CHCHD6: variants seen among roughly 807,000 people sequenced by gnomAD.
The protein encoded by CHCHD6 is MICOS complex subunit MIC25.
In CHCHD6, 28 loss-of-function variants were observed where a neutral mutation model predicts 32.3. The ratio of observed to expected loss-of-function variants is 0.87; its 90% confidence interval spans 0.64 to 1.19. The LOEUF (loss-of-function observed/expected upper bound fraction) is 1.19. CHCHD6 is among the 50% of genes most tolerant of loss of function. The pLI, the probability that CHCHD6 is intolerant of heterozygous loss-of-function variation, is 0.00. For synonymous variants in CHCHD6, 122 were observed against 117.5 expected (o/e 1.04, Z -0.25); for missense variants, 333 against 307.0 (o/e 1.08, Z -0.63).
In CHCHD6 at chr3:126,880,631, C is replaced by T. The variant is rs374807126; in HGVS notation, c.495+27901C>T. ...TGAATAAGGATCTGAGGGAGACCCACTCACACTATCTGGGGGACAAATTCT... is the reference window on the plus strand; with the variant it reads ...TGAATAAGGATCTGAGGGAGACCCATTCACACTATCTGGGGGACAAATTCT... On this transcript the variant is annotated intron_variant, in intron 5 of 7. Coordinates refer to ENST00000290913, the MANE Select transcript of CHCHD6 (RefSeq NM_032343.3). Among the ~76,000 whole-genome samples, 5 of 152,182 alleles carry T rather than the reference C, an allele frequency of 3.3e-5. No homozygotes were observed. In the East Asian group the frequency reaches 5.8e-4, roughly 18 times the overall value.
intron 5 of CHCHD6, among the ~76,000 whole-genome samples, chr3:126,867,175 C>A (rs1942316324): frequency 6.6e-6 from 1 of 152,184 alleles, no homozygotes; most frequent in Admixed American, 6.5e-5. Context: ...CAAATATACA[C>A]CTTTTTAGGA....
intron 4 of CHCHD6, among the ~76,000 whole-genome samples, chr3:126,840,095 G>A (rs531147703): frequency 1.1e-4 from 17 of 152,262 alleles, no homozygotes; most frequent in African/African-American, 3.1e-4. Flanking sequence ...TTCACTTAGC[G>A]TAACGTTTTC....
rs1559945245 is a variant in CHCHD6 at position 126,960,417 on chromosome 3, AAC to A, written c.*218_*219del. 1.7e-6 allele frequency: 1 copy of A among 589,944 alleles called. No homozygotes were observed. Among genetic ancestry groups the A allele is most frequent in the African/African-American group, 1.9e-5 (1 of 53,638 alleles). The allele number at this position is 589,944 out of a possible 1,614,324, so 36.5% of individuals were successfully genotyped here. Reference sequence around the variant, plus strand: ...GTTTTCAGTCGTTGACTCACTGGCAAACAGTCACTGCTGCCTACTCTGCGTCC... The same window carrying A: ...GTTTTCAGTCGTTGACTCACTGGCAAAGTCACTGCTGCCTACTCTGCGTCC... On this transcript the variant is annotated 3_prime_UTR_variant, in exon 8 of 8. Coordinates refer to ENST00000290913, the MANE Select transcript of CHCHD6 (RefSeq NM_032343.3).
At chr3:126,738,525 C>T (rs1936155196) in intron 4 of CHCHD6, among the ~76,000 whole-genome samples, 1 of 152,144 alleles carries the variant, frequency 6.6e-6, no homozygotes, top group Non-Finnish European at 1.5e-5. Flanking sequence ...TTATAAACTC[C>T]TTGAGAATAA....
At chr3:126,824,291 G>A (rs1940283101) in intron 4 of CHCHD6, among the ~76,000 whole-genome samples, 1 of 151,868 alleles carries the variant, frequency 6.6e-6, no homozygotes, top group African/African-American at 2.4e-5. Flanking sequence ...GCCGGGCACA[G>A]TGGCTCAGGC....
At chr3:126,759,451 A>G (rs1937083756) in intron 4 of CHCHD6, among the ~76,000 whole-genome samples, 1 of 152,178 alleles carries the variant, frequency 6.6e-6, no homozygotes, top group African/African-American at 2.4e-5. Context: ...AAATTCCAAG[A>G]TTCAGTCAAG....
chr3:126,777,182 CTA>C (rs1937687054), intron 4 of CHCHD6, among the ~76,000 whole-genome samples: 2 of 152,082 alleles, frequency 1.3e-5, no homozygotes, highest in South Asian at 4.2e-4. Flanking sequence ...ACCTGGTTTT[CTA>C]TGTTTTTATT....
intron 4 of CHCHD6, among the ~76,000 whole-genome samples, chr3:126,788,487 T>C (rs1473384710): frequency 6.6e-6 from 1 of 152,212 alleles, no homozygotes; most frequent in Non-Finnish European, 1.5e-5. Flanking sequence ...CTATTAATTA[T>C]TGTCTCAATT....
intron 4 of CHCHD6, among the ~76,000 whole-genome samples, chr3:126,846,367 C>T (rs1941296876): frequency 6.6e-6 from 1 of 152,122 alleles, no homozygotes; most frequent in Non-Finnish European, 1.5e-5. Flanking sequence ...AACCTGAAAG[C>T]TTAAAAAGAA....
intron 7 of CHCHD6, among the ~76,000 whole-genome samples, chr3:126,958,127 T>C (rs1299401833): frequency 6.6e-6 from 1 of 151,626 alleles, no homozygotes; most frequent in Non-Finnish European, 1.5e-5. Context: ...ATGCCTGTGA[T>C]GCGCTCCCAG....
At chr3:126,852,769 C>A in intron 5 of CHCHD6, 39 bp downstream of exon 5, 3 of 1,397,340 alleles carry the variant, frequency 2.1e-6, no homozygotes, top group Non-Finnish European at 3.0e-6. Context: ...GGGGCCAGGT[C>A]CTAAAGGCAT....
chr3:126,849,161 A>G (rs1941387880), intron 4 of CHCHD6, among the ~76,000 whole-genome samples: 1 of 152,192 alleles, frequency 6.6e-6, no homozygotes, highest in South Asian at 2.1e-4. Flanking sequence ...AGTTTTTTAT[A>G]TCAGCTTCTT....
intron 4 of CHCHD6, among the ~76,000 whole-genome samples, chr3:126,817,181 G>A (rs1452498197): frequency 6.6e-6 from 1 of 152,140 alleles, no homozygotes; most frequent in Non-Finnish European, 1.5e-5. Context: ...TATCCTGTGA[G>A]TTCAGGGCCC....
intron 4 of CHCHD6, among the ~76,000 whole-genome samples, chr3:126,819,604 A>G (rs1407257042): frequency 2.6e-5 from 4 of 152,246 alleles, no homozygotes; most frequent in Non-Finnish European, 5.9e-5. Context: ...ACAGCCCTCC[A>G]GAAAACTGCT....
intron 6 of CHCHD6, among the ~76,000 whole-genome samples, chr3:126,925,685 A>T (rs73209616): frequency 6.6e-6 from 1 of 152,140 alleles, no homozygotes; most frequent in African/African-American, 2.4e-5. Flanking sequence ...GAAGTATCAT[A>T]GTGGTTTTCT....
chr3:126,854,674 T>C (rs766464621), intron 5 of CHCHD6, among the ~76,000 whole-genome samples: 1 of 152,186 alleles, frequency 6.6e-6, no homozygotes, highest in Non-Finnish European at 1.5e-5. Context: ...GACTTCCCAA[T>C]CATCACATCC....
At chr3:126,841,347 A>G (rs1941073778) in intron 4 of CHCHD6, among the ~76,000 whole-genome samples, 1 of 152,152 alleles carries the variant, frequency 6.6e-6, no homozygotes, top group Admixed American at 6.5e-5. Context: ...ATGCCGCAAG[A>G]GAAGTTCTGA....
In CHCHD6 at chr3:126,897,797, A is replaced by G. The variant is rs546958893; in HGVS notation, c.496-16883A>G. ...TGGCTCCCCATTTGCTCTGCCTGGA[A>G]TGCTGTTCCCTTCCCTGTCCCTTCC... is the stretch of plus-strand genomic sequence containing the variant. On this transcript the variant is annotated intron_variant, in intron 5 of 7. Coordinates refer to ENST00000290913, the MANE Select transcript of CHCHD6 (RefSeq NM_032343.3). Among the ~76,000 whole-genome samples, 6 of 152,256 alleles carry G rather than the reference A, an allele frequency of 3.9e-5. No individual in the cohort carries two copies. In the South Asian group the frequency reaches 1.2e-3, roughly 32 times the overall value.
rs1559928756 is a variant in CHCHD6, at chr3:126,930,454, GT to G, written c.566+15705del. ...AGTTGAGTGGACTGAGAAGGCTGCA[GT>G]CATGGGAAGTCACTTGGCCCTCTCT... On this transcript the variant is annotated intron_variant, in intron 6 of 7. Transcript: ENST00000290913. 2.0e-5 allele frequency among the ~76,000 whole-genome samples: 3 copies of G among 152,358 alleles called. No individual in the cohort carries two copies. The East Asian group carries it at 5.8e-4, about 29-fold the overall frequency.
Sources: gnomAD v4.1 joint callset for allele counts (sites outside exome capture counted in the v4.1 genomes callset) on GRCh38, gnomAD v4.1.1 for gene constraint, MANE v1.5 for transcripts, NCBI Gene and HGNC (gene_info 2026-07-23, HGNC 2026-07-21) for gene names.